KIAA1671: variants seen among roughly 807,000 people sequenced by gnomAD.
The protein encoded by KIAA1671 is KIAA1671.
Under a neutral mutation model 131.2 loss-of-function variants are expected in KIAA1671, and 52 were observed. The ratio of observed to expected loss-of-function variants is 0.40; its 90% CI spans 0.32 to 0.50. The LOEUF is 0.50. Among genes scored for constraint, KIAA1671 ranks in the 20% least tolerant of loss-of-function variants. The pLI, the probability that KIAA1671 is intolerant of heterozygous loss-of-function variation, is 0.73. For synonymous variants in KIAA1671, 1,003 were observed against 961.6 expected, an observed-to-expected ratio of 1.04 and a Z score of -0.80; for missense variants, 2,360 against 2,364.2, an observed-to-expected ratio of 1.00 and a Z score of 0.04.
intron 1 of KIAA1671, among the ~76,000 whole-genome samples, chr22:24,981,109 A>G (rs1185851795): frequency 1.3e-5 from 2 of 151,162 alleles, no homozygotes; most frequent in African/African-American, 4.9e-5. Context: ...ATCTATTCTT[A>G]TGGGTGTGGC....
chr22:25,115,933 C>T (rs1931632074), intron 6 of KIAA1671, among the ~76,000 whole-genome samples: 1 of 152,122 alleles, frequency 6.6e-6, no homozygotes, highest in Admixed American at 6.5e-5. Context: ...CCCTCCACAA[C>T]ACTGGCTAAT....
chr22:25,086,344 A>C (rs979319313), intron 6 of KIAA1671, among the ~76,000 whole-genome samples: 1 of 152,208 alleles, frequency 6.6e-6, no homozygotes, highest in South Asian at 2.1e-4. Context: ...GGGTAGGGAC[A>C]TGTCTTGCTC....
At chr22:25,171,220 T>C (rs1404398372) in intron 7 of KIAA1671, among the ~76,000 whole-genome samples, 1 of 149,472 alleles carries the variant, frequency 6.7e-6, no homozygotes, top group African/African-American at 2.5e-5. Context: ...GGAAACATGG[T>C]GGAACCCCGT....
intron 9 of KIAA1671, among the ~76,000 whole-genome samples, chr22:25,180,908 C>G (rs963854555): frequency 2.0e-5 from 3 of 152,172 alleles, no homozygotes; most frequent in African/African-American, 7.2e-5. Context: ...CAAAAGCACA[C>G]AAATACCCCC....
rs914000541 is a variant in KIAA1671, at chr22:25,039,878, C to T, written c.2748C>T (p.Ala916=). ...TGCAGAAAGGGCCCTTCATTGTAGCCGCCAGGGAGGGTGATCCAGGGCCGG... is the reference window on the plus strand; with the variant it reads ...TGCAGAAAGGGCCCTTCATTGTAGCTGCCAGGGAGGGTGATCCAGGGCCGG... ...FAVQKGPFIV[A]AREGDPGPAQ... Residue 916 remains alanine (A), a synonymous_variant, in exon 5 of 13, where the codon GCC becomes GCT. Coordinates refer to ENST00000358431, the MANE Select transcript of KIAA1671 (RefSeq NM_001145206.2). 46 of 1,551,374 alleles carry T rather than the reference C, an allele frequency of 3.0e-5. No homozygotes were observed. The highest frequency in any genetic ancestry group is 5.9e-5 in the Admixed American group (3 of 50,954).
At chr22:25,033,218 C>A (rs904430414) in intron 4 of KIAA1671, among the ~76,000 whole-genome samples, 1 of 151,798 alleles carries the variant, frequency 6.6e-6, no homozygotes, top group East Asian at 1.9e-4. Flanking sequence ...AGACTCTTAT[C>A]TCTAAAAGAA....
intron 6 of KIAA1671, among the ~76,000 whole-genome samples, chr22:25,121,608 A>G (rs1461403886): frequency 6.6e-6 from 1 of 152,226 alleles, no homozygotes; most frequent in Non-Finnish European, 1.5e-5. Flanking sequence ...CATTTGCGCA[A>G]TTTGGTGGTA....
intron 1 of KIAA1671, among the ~76,000 whole-genome samples, chr22:24,972,213 A>G (rs1922655507): frequency 6.6e-6 from 1 of 152,216 alleles, no homozygotes; most frequent in Non-Finnish European, 1.5e-5. Context: ...TAAAATATTG[A>G]TCATAAACAT....
intron 6 of KIAA1671, among the ~76,000 whole-genome samples, chr22:25,088,211 G>A (rs905637523): frequency 4.0e-5 from 6 of 151,726 alleles, no homozygotes; most frequent in East Asian, 3.9e-4. Flanking sequence ...AGGTTCAAGC[G>A]ATCCTCGTGC....
At chr22:25,117,771 T>G (rs1417484442) in intron 6 of KIAA1671, among the ~76,000 whole-genome samples, 1 of 152,096 alleles carries the variant, frequency 6.6e-6, no homozygotes, top group Non-Finnish European at 1.5e-5. Flanking sequence ...CTGTAACAAA[T>G]TACCACAAAC....
intron 6 of KIAA1671, among the ~76,000 whole-genome samples, chr22:25,108,353 G>T (rs954386118): frequency 1.3e-5 from 2 of 152,162 alleles, no homozygotes; most frequent in African/African-American, 2.4e-5. Context: ...GACTTTTCTG[G>T]GGCCAGCGGG....
chr22:25,174,170 C>G (rs1349202420), intron 7 of KIAA1671, 70 bp from the exon 8 acceptor site: 1 of 1,500,894 alleles, frequency 6.7e-7, no homozygotes, highest in African/African-American at 1.4e-5. Flanking sequence ...CTGCAGCATC[C>G]TTCACTTGAA....
At chr22:24,953,521 G>A (rs926870578) in intron 1 of KIAA1671, among the ~76,000 whole-genome samples, 1 of 152,036 alleles carries the variant, frequency 6.6e-6, no homozygotes, top group African/African-American at 2.4e-5. Context: ...TCCCAGGGCG[G>A]AGGCGCCCTG....
chr22:25,155,564 ATGTT>A (rs35362125), intron 6 of KIAA1671, among the ~76,000 whole-genome samples: 42,180 of 150,940 alleles, frequency 0.28, 5,904 homozygotes, highest in South Asian at 0.36. Flanking sequence ...ATTGGTGTAG[ATGTT>A]TGTGTGTGTA....
intron 6 of KIAA1671, among the ~76,000 whole-genome samples, chr22:25,142,931 G>A (rs975517079): frequency 6.6e-6 from 1 of 152,250 alleles, no homozygotes; most frequent in Non-Finnish European, 1.5e-5. Flanking sequence ...TACCTGGGAA[G>A]TAAGTGGGGA....
At chr22:25,126,917 GA>G (rs1781354563) in intron 6 of KIAA1671, among the ~76,000 whole-genome samples, 1 of 152,178 alleles carries the variant, frequency 6.6e-6, no homozygotes, top group South Asian at 2.1e-4. Context: ...TGGGTTTTTA[GA>G]AAAGTGAGCA....
chr22:25,000,859 A>T (rs1225848470), intron 1 of KIAA1671, among the ~76,000 whole-genome samples: 1 of 149,850 alleles, frequency 6.7e-6, no homozygotes, highest in South Asian at 2.1e-4. Flanking sequence ...CATGTTTTCC[A>T]GGCTGGTCAT....
intron 4 of KIAA1671, among the ~76,000 whole-genome samples, chr22:25,034,228 T>C (rs1245267352): frequency 2.6e-5 from 4 of 151,918 alleles, no homozygotes; most frequent in Non-Finnish European, 5.9e-5. Flanking sequence ...GCATTTTTAG[T>C]AGAGACGGGG....
At chr22:25,149,549 C>G (rs532454916) in intron 6 of KIAA1671, among the ~76,000 whole-genome samples, 1 of 152,152 alleles carries the variant, frequency 6.6e-6, no homozygotes, top group Non-Finnish European at 1.5e-5. Context: ...TTGCCTCCTC[C>G]CTTCTCTGAG....
Sources: gnomAD v4.1 joint callset for allele counts (sites outside exome capture counted in the v4.1 genomes callset) on GRCh38, gnomAD v4.1.1 for gene constraint, MANE v1.5 for transcripts, NCBI Gene and HGNC (gene_info 2026-07-23, HGNC 2026-07-21) for gene names.